Variants in KLHL1 observed in about 807,000 individuals in gnomAD.
The protein encoded by KLHL1 is kelch like family member 1, also known as kelch-like protein 1.
In KLHL1, 47 loss-of-function variants were observed where a neutral mutation model predicts 77.7. The observed-to-expected ratio is 0.60, with a 90% CI of 0.48 to 0.77. KLHL1 has a LOEUF of 0.77. Ranked by LOEUF, KLHL1 falls within the 30% of genes least tolerant of loss-of-function variation. The pLI is 0.00. For missense variants in KLHL1, 925 were observed against 910.8 expected (o/e 1.02, Z -0.20); for synonymous variants, 360 against 325.2 (o/e 1.11, Z -1.15).
intron 6 of KLHL1, among the ~76,000 whole-genome samples, chr13:69,837,546 G>T (rs1879049595): frequency 6.8e-6 from 1 of 145,998 alleles, no homozygotes; most frequent in Non-Finnish European, 1.5e-5. Context: ...ATCATAAATA[G>T]GTATATTTGT....
rs67082157 is a variant in KLHL1, at chr13:69,753,841, GAA to G, written c.1640-13287_1640-13286del. ...TTTCCATAATGGCATAGAAATAATT[GAA>G]AAAAAAAATTTTGAGACCAGTCTTG... On this transcript the variant is annotated intron_variant, in intron 7 of 10. Transcript: ENST00000377844. Among the ~76,000 whole-genome samples, 699 of 150,672 alleles carry G rather than the reference GAA, an allele frequency of 4.6e-3. 10 individuals are homozygous for G. Among genetic ancestry groups the G allele is most frequent in the African/African-American group, 0.016 (664 of 41,042 alleles).
At chr13:69,717,641 G>A (rs779366864) in intron 9 of KLHL1, among the ~76,000 whole-genome samples, 1 of 152,038 alleles carries the variant, frequency 6.6e-6, no homozygotes, top group Admixed American at 6.6e-5. Flanking sequence ...CATTTCATTG[G>A]CAGCATTTAT....
chr13:70,091,588 T>C (rs189536345), intron 1 of KLHL1, among the ~76,000 whole-genome samples: 70 of 152,288 alleles, frequency 4.6e-4, no homozygotes, highest in African/African-American at 1.7e-3. Context: ...ACAGTCCAAC[T>C]AATTTAATCA....
chr13:70,072,839 G>A (rs889388115), intron 1 of KLHL1, among the ~76,000 whole-genome samples: 3 of 151,926 alleles, frequency 2.0e-5, no homozygotes, highest in Non-Finnish European at 4.4e-5. Context: ...CTACACCTAG[G>A]ATCATACTAA....
At chr13:69,780,028 T>G (rs1325841676) in intron 7 of KLHL1, among the ~76,000 whole-genome samples, 1 of 152,120 alleles carries the variant, frequency 6.6e-6, no homozygotes, top group Non-Finnish European at 1.5e-5. Context: ...TGTCTCTATC[T>G]ATCTCCTGAT....
At chr13:69,960,211 T>C (rs557515177) in intron 3 of KLHL1, among the ~76,000 whole-genome samples, 1 of 150,236 alleles carries the variant, frequency 6.7e-6, no homozygotes, top group Admixed American at 6.7e-5. Flanking sequence ...GAGGACAGAG[T>C]CCTCCTAGTT....
intron 1 of KLHL1, among the ~76,000 whole-genome samples, chr13:70,014,591 T>C (rs1252317453): frequency 2.6e-5 from 4 of 152,264 alleles, no homozygotes; most frequent in Middle Eastern, 6.8e-3. Context: ...GTGTTTTTCA[T>C]ACTTTTCATA....
intron 1 of KLHL1, among the ~76,000 whole-genome samples, chr13:69,986,500 A>C (rs1470305678): frequency 1.3e-5 from 2 of 152,028 alleles, no homozygotes; most frequent in East Asian, 3.9e-4. Flanking sequence ...TCAAACATCA[A>C]GTGAATCTAA....
chr13:69,741,009 C>A (rs763892155), intron 7 of KLHL1, among the ~76,000 whole-genome samples: 1 of 152,082 alleles, frequency 6.6e-6, no homozygotes, highest in Non-Finnish European at 1.5e-5. Flanking sequence ...TTGTTACTTA[C>A]AACAATGTTA....
intron 1 of KLHL1, among the ~76,000 whole-genome samples, chr13:70,054,209 A>C (rs543884176): frequency 6.6e-6 from 1 of 152,260 alleles, no homozygotes; most frequent in African/African-American, 2.4e-5. Context: ...AAGAGACAGT[A>C]ATAATATAGG....
intron 5 of KLHL1, among the ~76,000 whole-genome samples, chr13:69,867,958 T>A (rs567104502): frequency 4.8e-4 from 73 of 152,094 alleles, no homozygotes; most frequent in Non-Finnish European, 8.4e-4. Context: ...CATATGTAAC[T>A]AACCTGCACG....
intron 2 of KLHL1, among the ~76,000 whole-genome samples, chr13:69,973,091 G>T (rs184954286): frequency 4.0e-5 from 6 of 151,828 alleles, no homozygotes; most frequent in African/African-American, 2.4e-5. Flanking sequence ...TTTTCATGCA[G>T]AAATATATTA....
intron 1 of KLHL1, among the ~76,000 whole-genome samples, chr13:69,979,370 C>A (rs1010163070): frequency 6.6e-6 from 1 of 151,968 alleles, no homozygotes; most frequent in African/African-American, 2.4e-5. Flanking sequence ...AAGACTTTAG[C>A]AGGAATCTTT....
At chr13:69,728,529 G>A (rs547161833) in intron 8 of KLHL1, among the ~76,000 whole-genome samples, 2 of 151,834 alleles carry the variant, frequency 1.3e-5, no homozygotes, top group South Asian at 4.2e-4. Flanking sequence ...TTATTAGCAT[G>A]AAGCTTTGCA....
At chr13:69,880,271 A>G (rs1432525059) in intron 5 of KLHL1, among the ~76,000 whole-genome samples, 2 of 152,206 alleles carry the variant, frequency 1.3e-5, no homozygotes, top group African/African-American at 4.8e-5. Context: ...TAATATGCTT[A>G]TAATGACACA....
At chr13:70,084,944 G>T (rs1887497389) in intron 1 of KLHL1, among the ~76,000 whole-genome samples, 1 of 152,004 alleles carries the variant, frequency 6.6e-6, no homozygotes, top group African/African-American at 2.4e-5. Context: ...GTACTTTTTG[G>T]AAATAAAATG....
At chr13:69,789,410 T>TGAC (rs1876750884) in intron 7 of KLHL1, among the ~76,000 whole-genome samples, 1 of 152,128 alleles carries the variant, frequency 6.6e-6, no homozygotes, top group South Asian at 2.1e-4. Flanking sequence ...AGAAAAAATA[T>TGAC]GACTATTGAG....
intron 1 of KLHL1, among the ~76,000 whole-genome samples, chr13:70,005,762 A>G (rs1046619070): frequency 6.6e-6 from 1 of 152,070 alleles, no homozygotes; most frequent in Non-Finnish European, 1.5e-5. Context: ...AAGAATAAAT[A>G]CATCGTTTTA....
intron 8 of KLHL1, among the ~76,000 whole-genome samples, chr13:69,727,640 C>T (rs1338522053): frequency 2.0e-5 from 3 of 152,072 alleles, no homozygotes; most frequent in Non-Finnish European, 4.4e-5. Flanking sequence ...AATGACCATG[C>T]TCAAATATGG....
Sources: allele counts gnomAD v4.1 joint callset (sites outside exome capture counted in the v4.1 genomes callset), GRCh38; gene constraint gnomAD v4.1.1; transcripts MANE v1.5; gene names NCBI Gene and HGNC (gene_info 2026-07-23, HGNC 2026-07-21).